MMD: variants seen among roughly 807,000 people sequenced by gnomAD.
MMD encodes monocyte to macrophage differentiation factor.
A neutral mutation model predicts 33.6 loss-of-function variants in MMD; 22 were observed. The observed-to-expected ratio is 0.66, with a 90% CI of 0.47 to 0.94. MMD has a LOEUF of 0.94. MMD is among the 40% of genes least tolerant of loss of function. The pLI, the probability that MMD is intolerant of heterozygous loss-of-function variation, is 0.00. For synonymous variants in MMD, 97 were observed against 103.2 expected, an observed-to-expected ratio of 0.94 and a Z score of 0.36; for missense variants, 242 against 309.8, an observed-to-expected ratio of 0.78 and a Z score of 1.64.
At chr17:55,396,220 T>C (rs1255624079) in intron 6 of MMD, among the ~76,000 whole-genome samples, 1 of 152,188 alleles carries the variant, frequency 6.6e-6, no homozygotes, top group Non-Finnish European at 1.5e-5. Flanking sequence ...ATTATCATTA[T>C]TGTAACTATG....
intron 1 of MMD, among the ~76,000 whole-genome samples, chr17:55,414,581 C>T (rs1429693024): frequency 6.6e-6 from 1 of 151,232 alleles, no homozygotes; most frequent in African/African-American, 2.4e-5. Flanking sequence ...CACACACACA[C>T]ACACACACAC....
At chr17:55,414,555 TTCACACACACACAC>T (rs1300978075) in intron 1 of MMD, among the ~76,000 whole-genome samples, 21 of 58,542 alleles carry the variant, frequency 3.6e-4, no homozygotes, top group African/African-American at 1.5e-3. Flanking sequence ...TCCTCCTCCA[TTCACACACACACAC>T]ACACACACAC....
intron 1 of MMD, among the ~76,000 whole-genome samples, chr17:55,418,070 T>C (rs1301068897): frequency 6.6e-6 from 1 of 152,244 alleles, no homozygotes; most frequent in Admixed American, 6.5e-5. Flanking sequence ...TGTTTACTTC[T>C]GTCTAGGATA....
intron 4 of MMD, among the ~76,000 whole-genome samples, chr17:55,406,420 A>T (rs1907546550): frequency 6.6e-6 from 1 of 151,920 alleles, no homozygotes; most frequent in African/African-American, 2.4e-5. Flanking sequence ...AAGAAGCCAG[A>T]TGTGGTGGCA....
chr17:55,397,836 C>T (rs1468395107), intron 6 of MMD, among the ~76,000 whole-genome samples: 9 of 151,934 alleles, frequency 5.9e-5, no homozygotes, highest in Non-Finnish European at 1.2e-4. Flanking sequence ...CCACAGCACC[C>T]GGACCCTTTC....
rs557286117 is a variant in MMD at position 55,393,491 on chromosome 17, T to C, written c.*843A>G. On this transcript the variant is annotated 3_prime_UTR_variant, in exon 7 of 7. Transcript: ENST00000262065. ...ATACTGTCATAATACAGAAAAAACA[T>C]TTATCCACTGTGGAAAGAGACCCTG... 2 of 152,692 alleles carry C rather than the reference T, an allele frequency of 1.3e-5. No individual in the cohort carries two copies. The highest frequency in any genetic ancestry group is 3.4e-3 in the Middle Eastern group (1 of 294). The allele number at this position is 152,692 out of a possible 1,614,324, so 9.5% of individuals were successfully genotyped here. A position where few individuals can be genotyped will look rare whatever the true frequency, so the allele number is the denominator to read the frequency against.
intron 6 of MMD, among the ~76,000 whole-genome samples, chr17:55,394,915 C>T (rs1021935064): frequency 4.9e-4 from 75 of 152,284 alleles, no homozygotes; most frequent in African/African-American, 1.8e-3. Context: ...AAGGCAGGCC[C>T]AAGCCACTCT....
At chr17:55,407,298 CAAAATAAATAAATAAATAAATAAA>C (rs1907591387) in intron 4 of MMD, among the ~76,000 whole-genome samples, 1 of 136,318 alleles carries the variant, frequency 7.3e-6, no homozygotes, top group African/African-American at 2.9e-5. Flanking sequence ...GACTCCATCT[CAAAATAAATAAATAAATAAATAAA>C]TAAATAAATA....
Position 55,401,492 on chromosome 17 carries a change from G to A in MMD, c.493C>T (p.Pro165Ser), listed in dbSNP as rs2143127026. 6.2e-7 allele frequency: 1 copy of A among 1,611,764 alleles called. No homozygotes were observed. Among genetic ancestry groups the A allele is most frequent in the Non-Finnish European group, 8.5e-7 (1 of 1,179,168 alleles). Residue 165 changes from proline to serine, a missense_variant, in exon 6 of 7, where the codon CCA becomes TCA. By Grantham distance (74) the Pro-to-Ser change is moderately conservative. Coordinates refer to ENST00000262065, the MANE Select transcript of MMD (RefSeq NM_012329.3). The stretch of plus-strand genomic sequence containing the variant: ...ACCATTGATGTCACCACCAAGGCTG[G>A]AGAGAATCCCATTGTGAGATAGAAA... ...LFFYLTMGFS[P>S]ALVVTSMNNT...
At chr17:55,408,413 A>C (rs1018188628) in intron 3 of MMD, among the ~76,000 whole-genome samples, 17 of 152,364 alleles carry the variant, frequency 1.1e-4, no homozygotes, top group African/African-American at 4.1e-4. Context: ...TTACTACAAA[A>C]GCATAGCCAC....
chr17:55,403,364 G>A (rs1204879866), intron 5 of MMD, among the ~76,000 whole-genome samples: 1 of 152,094 alleles, frequency 6.6e-6, no homozygotes, highest in Non-Finnish European at 1.5e-5. Context: ...ATACCCTCTA[G>A]GCCCTTATTT....
At position 55,407,723 on chromosome 17, in the gene MMD, A is replaced by C. The variant is rs1388603107; in HGVS notation, c.344+23T>G. The C allele has an allele frequency of 7.6e-6, 12 of 1,586,312 alleles. No homozygotes were observed. The Admixed American group carries it at 1.4e-4, about 19-fold the overall frequency. Reference sequence around the variant, plus strand: ...TCTAATCATAAAATCACTACCTTCGAAAATAGGAAGACTGTATCTTACCAT... The same window carrying C: ...TCTAATCATAAAATCACTACCTTCGCAAATAGGAAGACTGTATCTTACCAT... On this transcript the variant is annotated intron_variant, in intron 4 of 6. Coordinates refer to ENST00000262065, the MANE Select transcript of MMD (RefSeq NM_012329.3).
rs758886882 is a variant in MMD, at chr17:55,411,279, A to G, written c.247T>C (p.Ser83Pro). 1 of 1,613,178 alleles carries G rather than the reference A, an allele frequency of 6.2e-7. No homozygotes were observed. Among genetic ancestry groups the G allele is most frequent in the Non-Finnish European group, 8.5e-7 (1 of 1,179,716 alleles). The stretch of plus-strand genomic sequence containing the variant: ...TACCTTAAGTGGCTCTTTTTCCATG[A>G]TACAATGTGAAATACTGTAGAAACG... ...FIVSTVFHIVSWKKSHLRTVE... is the reference protein window; with the variant it reads ...FIVSTVFHIVPWKKSHLRTVE... Residue 83 changes from serine to proline, a missense_variant, in exon 3 of 7, where the codon TCA becomes CCA. Ser to Pro is a moderately conservative substitution (Grantham distance 74, BLOSUM62 -1). Coordinates refer to ENST00000262065, the MANE Select transcript of MMD (RefSeq NM_012329.3).
chr17:55,399,422 T>C (rs1428250363), intron 6 of MMD, among the ~76,000 whole-genome samples: 1 of 152,204 alleles, frequency 6.6e-6, no homozygotes, highest in African/African-American at 2.4e-5. Context: ...GCTCTCCAGC[T>C]TTATTACAAG....
At chr17:55,397,125 T>C (rs574765867) in intron 6 of MMD, among the ~76,000 whole-genome samples, 2 of 152,338 alleles carry the variant, frequency 1.3e-5, no homozygotes, top group African/African-American at 4.8e-5. Context: ...CAGCCATGTA[T>C]TTACATACAA....
chr17:55,397,303 A>T (rs1907138230), intron 6 of MMD, among the ~76,000 whole-genome samples: 1 of 151,816 alleles, frequency 6.6e-6, no homozygotes, highest in Non-Finnish European at 1.5e-5. Flanking sequence ...CTGGGACTAC[A>T]GGTGCCCACC....
chr17:55,395,410 C>T (rs1007240649), intron 6 of MMD, among the ~76,000 whole-genome samples: 3 of 152,192 alleles, frequency 2.0e-5, no homozygotes, highest in South Asian at 2.1e-4. Flanking sequence ...AGGCAGATCA[C>T]GGCAGGGCCT....
intron 1 of MMD, 37 bp from the exon 2 acceptor site, chr17:55,414,269 A>T: frequency 1.3e-6 from 2 of 1,590,402 alleles, no homozygotes; most frequent in Non-Finnish European, 1.7e-6. Flanking sequence ...AGAAAAACTC[A>T]AAGTGTGTGA....
intron 2 of MMD, among the ~76,000 whole-genome samples, chr17:55,412,601 CT>C (rs34791674): frequency 6.6e-6 from 1 of 152,120 alleles, no homozygotes; most frequent in East Asian, 1.9e-4. Context: ...ATTTGCTTAT[CT>C]TTTTTCTCCC....
Sources: allele counts gnomAD v4.1 joint callset (sites outside exome capture counted in the v4.1 genomes callset), GRCh38; gene constraint gnomAD v4.1.1; transcripts MANE v1.5; gene names NCBI Gene and HGNC (gene_info 2026-07-23, HGNC 2026-07-21).